The following DSP variants were observed in gnomAD, a reference collection of about 807,000 sequenced individuals.
DSP encodes the protein 250/210 kDa paraneoplastic pemphigus antigen.
Under a neutral mutation model 290.6 loss-of-function variants are expected in DSP, and 114 were observed. The observed-to-expected ratio is 0.39, with a 90% CI of 0.34 to 0.46. The LOEUF (loss-of-function observed/expected upper bound fraction) is 0.46. Ranked by LOEUF, DSP falls within the 20% of genes least tolerant of loss-of-function variation. The probability of loss-of-function intolerance (pLI) is 0.99; values close to 1 mark genes in which losing one functional copy is unlikely to be tolerated. For synonymous variants in DSP, 1,311 were observed against 1,316.4 expected, an observed-to-expected ratio of 1.00 and a Z score of 0.09; for missense variants, 3,230 against 3,495.8, an observed-to-expected ratio of 0.92 and a Z score of 1.92.
chr6:7,574,031 T>A lies in DSP; in HGVS notation c.2131-55T>A. 4 of 1,582,672 alleles carry A rather than the reference T, an allele frequency of 2.5e-6. No individual in the cohort carries two copies. The South Asian group carries it at 4.4e-5, about 18-fold the overall frequency. On this transcript the variant is annotated intron_variant, in intron 15 of 23. Transcript: ENST00000379802. Reference sequence around the variant, plus strand: ...CAGCATATTGTACACCTTAAATATATACAGTAATAAAAAGAATCAGCTAAA... The same window carrying A: ...CAGCATATTGTACACCTTAAATATAAACAGTAATAAAAAGAATCAGCTAAA...
chr6:7,564,562 T>C (rs1283488877), intron 6 of DSP, among the ~76,000 whole-genome samples: 4 of 152,196 alleles, frequency 2.6e-5, no homozygotes, highest in African/African-American at 9.7e-5. Flanking sequence ...TAATTATTGA[T>C]GGGTACAAAA....
In DSP at chr6:7,585,746, C is replaced by G. The variant is rs1467235605; in HGVS notation, c.8484C>G (p.Gly2828=). Residue 2828 remains glycine (G), a synonymous_variant, in exon 24 of 24, where the codon GGC becomes GGG. Transcript: ENST00000379802. The part of the protein sequence containing the change: ...NMSSAPGSRS[G]SRSGSRSGSR... ...CTTCGGCTCCGGGGTCCCGCTCCGG[C>G]TCCCGCTCGGGATCTCGCTCCGGAT... 2 of 1,610,216 alleles carry G rather than the reference C, an allele frequency of 1.2e-6. No individual in the cohort carries two copies. The highest frequency in any genetic ancestry group is 1.7e-6 in the Non-Finnish European group (2 of 1,178,014).
At chr6:7,545,980 GAGA>G (rs1758160369) in intron 1 of DSP, among the ~76,000 whole-genome samples, 1 of 152,218 alleles carries the variant, frequency 6.6e-6, no homozygotes, top group Non-Finnish European at 1.5e-5. Flanking sequence ...GAATGCCCCG[GAGA>G]GGGATTTGGA....
At chr6:7,548,814 G>C (rs1224279152) in intron 1 of DSP, among the ~76,000 whole-genome samples, 3 of 152,180 alleles carry the variant, frequency 2.0e-5, no homozygotes, top group African/African-American at 7.2e-5. Context: ...TCAGGGTAAT[G>C]AGATGAGCCA....
chr6:7,580,572 AGAGC>A lies in DSP; in HGVS notation c.4384_4387del (p.Ser1462Ter), dbSNP rs1759396933. ...CAAGTCACTCAGATGCGAACAGAGG[AGAGC>A]GTAAGATATAAGCAATCTCTTGATG... On this transcript the variant is annotated frameshift_variant, in exon 23 of 24. Coordinates refer to ENST00000379802, the MANE Select transcript of DSP (RefSeq NM_004415.4). LOFTEE classifies it high-confidence loss of function. The surrounding 1 kb of genome is among the most constrained non-coding windows in gnomAD (Gnocchi z 4.2). 6.2e-7 allele frequency: 1 copy of A among 1,614,062 alleles called. No individual in the cohort carries two copies. Among genetic ancestry groups the A allele is most frequent in the Admixed American group, 1.7e-5 (1 of 60,004 alleles).
chr6:7,552,471 G>C (rs1056634908), intron 1 of DSP, among the ~76,000 whole-genome samples: 1 of 150,938 alleles, frequency 6.6e-6, no homozygotes, highest in Non-Finnish European at 1.5e-5. Flanking sequence ...GCTGAGGCAG[G>C]AGAATCACTT....
At chr6:7,570,689 C>G (rs1470872076) in intron 13 of DSP, 126 bp downstream of exon 13, 5 of 1,351,562 alleles carry the variant, frequency 3.7e-6, no homozygotes, top group Non-Finnish European at 5.1e-6. Context: ...AGCAAGTCAG[C>G]TCAGCCCTCC....
chr6:7,562,265 T>A lies in DSP; in HGVS notation c.598-387T>A, dbSNP rs182794013. 2.0e-3 allele frequency among the ~76,000 whole-genome samples: 306 copies of A among 152,210 alleles called. 2 individuals are homozygous for A. Among genetic ancestry groups the A allele is most frequent in the African/African-American group, 7.0e-3 (291 of 41,456 alleles). On this transcript the variant is annotated intron_variant, in intron 4 of 23. Coordinates refer to ENST00000379802, the MANE Select transcript of DSP (RefSeq NM_004415.4). ...GATTGCATTTATTTAATGATTTTTT[T>A]ATGCACATTTAAGAATGATTAAATG...
At chr6:7,578,625 CT>C in intron 22 of DSP, 63 bp downstream of exon 22, 2 of 1,261,482 alleles carry the variant, frequency 1.6e-6, no homozygotes, top group South Asian at 2.4e-5. Context: ...CTTATTATTA[CT>C]TCCACATTAT....
In DSP at chr6:7,576,407, T is replaced by C. The variant is rs750869761; in HGVS notation, c.2744T>C (p.Met915Thr). 6.2e-7 allele frequency: 1 copy of C among 1,614,038 alleles called. No homozygotes were observed. The highest frequency in any genetic ancestry group is 1.7e-5 in the Admixed American group (1 of 59,996). Residue 915 changes from methionine to threonine, a missense_variant, in exon 19 of 24, where the codon ATG (methionine) becomes ACG (threonine). Around this residue, in one of 5 missense-constraint regions of DSP, gnomAD observed 1,714 missense variants for 1,844.5 expected, o/e 0.93. Transcript: ENST00000379802. ...CGCCGCCAGGATTCCTTAGAATCCATGAAATTTGGAGATTCCAACACAGTC... is the reference window on the plus strand; with the variant it reads ...CGCCGCCAGGATTCCTTAGAATCCACGAAATTTGGAGATTCCAACACAGTC... ...AKRRQDSLES[M>T]KFGDSNTVMR...
chr6:7,554,118 CA>C, intron 1 of DSP, among the ~76,000 whole-genome samples: 3 of 151,518 alleles, frequency 2.0e-5, no homozygotes, highest in Non-Finnish European at 2.9e-5. Flanking sequence ...CACACACACA[CA>C]CACACACCCA....
In DSP at chr6:7,580,024, G is replaced by A; in HGVS notation, c.3834G>A (p.Lys1278=). 6.2e-7 allele frequency: 1 copy of A among 1,614,148 alleles called. No individual in the cohort carries two copies. Among genetic ancestry groups the A allele is most frequent in the Non-Finnish European group, 8.5e-7 (1 of 1,180,038 alleles). The change falls in exon 23 of 24, where the codon AAG becomes AAA. Residue 1278 remains lysine, a synonymous_variant. Coordinates refer to ENST00000379802, the MANE Select transcript of DSP (RefSeq NM_004415.4). The surrounding 1 kb of genome is among the most constrained non-coding windows in gnomAD (Gnocchi z 4.2). ...CTGAAGAAAACGCCCTTCAGCAAAA[G>A]GCCTGTGGCTCTGAGATAATGCAGA... ...RRAEENALQQ[K]ACGSEIMQKK...
At position 7,578,464 on chromosome 6, in the gene DSP, G is replaced by C. The variant is rs1254054471; in HGVS notation, c.2986G>C (p.Ala996Pro). Residue 996 changes from alanine (A) to proline (P), a missense_variant and splice_region_variant, in exon 22 of 24, where the codon GCT (alanine) becomes CCT (proline). Coordinates refer to ENST00000379802, the MANE Select transcript of DSP (RefSeq NM_004415.4). Reference protein sequence around the residue: ...QSPSGVILQEAADVHARYIEL... With the variant: ...QSPSGVILQEPADVHARYIEL... ...CTTTCTTTCCTTCCTTTTCTCCAAGGCTGCAGATGTTCATGCTCGGTACAT... is the reference window on the plus strand; with the variant it reads ...CTTTCTTTCCTTCCTTTTCTCCAAGCCTGCAGATGTTCATGCTCGGTACAT... 2 of 1,612,414 alleles carry C rather than the reference G, an allele frequency of 1.2e-6. No individual in the cohort carries two copies. The highest frequency in any genetic ancestry group is 4.5e-5 in the East Asian group (2 of 44,770).
chr6:7,570,820 G>C (rs1371684980), intron 13 of DSP, among the ~76,000 whole-genome samples: 2 of 152,222 alleles, frequency 1.3e-5, no homozygotes, highest in African/African-American at 4.8e-5. Context: ...CTGTGGAAAA[G>C]TCATGCACTC....
chr6:7,554,125 A>ACACACACACACACACACACACACC (rs772041102), intron 1 of DSP, among the ~76,000 whole-genome samples: 1,633 of 143,980 alleles, frequency 0.011, 28 homozygotes, highest in African/African-American at 0.018. Context: ...ACACACACAC[A>ACACACACACACACACACACACACC]CCCAGTTGGT....
At chr6:7,550,364 A>G (rs1387641021) in intron 1 of DSP, among the ~76,000 whole-genome samples, 1 of 152,132 alleles carries the variant, frequency 6.6e-6, no homozygotes, top group African/African-American at 2.4e-5. Context: ...CTTGTCTTGT[A>G]TTTTTAAAAA....
In DSP at chr6:7,583,089, A is replaced by G. The variant is rs140663822; in HGVS notation, c.5827A>G (p.Arg1943Gly). The change falls in exon 24 of 24, where the codon AGA becomes GGA. Residue 1943 changes from arginine (R) to glycine (G), a missense_variant. Physicochemically the swap from Arg to Gly is moderately radical, Grantham distance 125 (BLOSUM62 -2). Transcript: ENST00000379802. The surrounding 1 kb of genome is among the most constrained non-coding windows in gnomAD (Gnocchi z 4.0). ...SRYQREIDKL[R>G]QRPYGSHRET... is the part of the protein sequence containing the mutation. Reference sequence around the variant, plus strand: ...ATATCAGAGGGAGATTGATAAACTCAGACAGCGCCCATATGGGTCCCATCG... The same window carrying G: ...ATATCAGAGGGAGATTGATAAACTCGGACAGCGCCCATATGGGTCCCATCG... 8.7e-6 allele frequency: 14 copies of G among 1,613,992 alleles called. No individual in the cohort carries two copies. The highest frequency in any genetic ancestry group is 1.2e-5 in the Non-Finnish European group (14 of 1,180,036).
In DSP at chr6:7,581,519, A is replaced by G. The variant is rs1468490101; in HGVS notation, c.5329A>G (p.Arg1777Gly). 1 of 1,614,150 alleles carries G rather than the reference A, an allele frequency of 6.2e-7. No individual in the cohort carries two copies. Among genetic ancestry groups the G allele is most frequent in the Admixed American group, 1.7e-5 (1 of 60,022 alleles). Residue 1777 changes from arginine (R) to glycine (G), a missense_variant, in exon 23 of 24, where the codon AGG becomes GGG. By Grantham distance (125) the Arg-to-Gly change is moderately radical (BLOSUM62 -2). This residue lies in a region of DSP where 1,714 missense variants were observed against 1,844.5 expected (regional missense o/e 0.93). Transcript: ENST00000379802. The stretch of plus-strand genomic sequence containing the variant: ...GCTGATTAATGATTTACAGAGAGAG[A>G]GGGAAAATTTGAGACAGGAAATTGA... ...QGLINDLQRE[R>G]ENLRQEIEKF...
chr6:7,576,874 A>T (rs1258198708), intron 19 of DSP, 85 bp from the exon 20 acceptor site: 2 of 1,200,868 alleles, frequency 1.7e-6, no homozygotes, highest in Non-Finnish European at 2.4e-6. Flanking sequence ...AAGGGTACAA[A>T]TAACAGTGGT....
Sources: allele counts gnomAD v4.1 joint callset (sites outside exome capture counted in the v4.1 genomes callset), GRCh38; gene constraint gnomAD v4.1.1; regional missense constraint gnomAD v4.1.1; non-coding constraint Gnocchi (gnomAD v3.1); transcripts MANE v1.5; gene names NCBI Gene and HGNC (gene_info 2026-07-23, HGNC 2026-07-21).